Variants in SUGCT observed in about 807,000 individuals in gnomAD.
SUGCT encodes the protein succinyl-CoA:glutarate CoA-transferase.
Under a neutral mutation model 55.0 loss-of-function variants are expected in SUGCT, and 41 were observed. The ratio of observed to expected loss-of-function variants is 0.74; its 90% CI spans 0.58 to 0.97. SUGCT has a LOEUF of 0.97. SUGCT is among the 50% of genes least tolerant of loss of function. The pLI is 0.00. For missense variants in SUGCT, 568 were observed against 547.8 expected (o/e 1.04, Z -0.37); for synonymous variants, 187 against 200.4 (o/e 0.93, Z 0.56).
chr7:40,372,210 G>A (rs1020377608), intron 9 of SUGCT, among the ~76,000 whole-genome samples: 25 of 151,968 alleles, frequency 1.6e-4, no homozygotes, highest in African/African-American at 6.0e-4. Context: ...TTCACATGGA[G>A]ATGACCTCTG....
intron 12 of SUGCT, among the ~76,000 whole-genome samples, chr7:40,677,673 A>G (rs1784064134): frequency 6.6e-6 from 1 of 152,184 alleles, no homozygotes; most frequent in Non-Finnish European, 1.5e-5. Context: ...AAGAGAGGCT[A>G]ATAAGAACGT....
chr7:40,442,438 G>T (rs1788564862), intron 9 of SUGCT, among the ~76,000 whole-genome samples: 1 of 152,042 alleles, frequency 6.6e-6, no homozygotes, highest in Admixed American at 6.6e-5. Context: ...AAAGAAGAAT[G>T]CTACTTAATA....
At chr7:40,897,975 G>A in the SUGCT span, among the ~76,000 whole-genome samples, 14 of 152,268 alleles carry the variant, frequency 9.2e-5, no homozygotes, top group South Asian at 6.2e-4. Context: ...GGCCACCTGC[G>A]CCAACAGTGG....
chr7:40,631,450 T>G (rs11975859), intron 12 of SUGCT, among the ~76,000 whole-genome samples: 1,546 of 152,306 alleles, frequency 0.01, 27 homozygotes, highest in African/African-American at 0.035. Context: ...TTCAACAAAT[T>G]CAACATTTGA....
At chr7:40,240,105 A>G (rs1324643343) in intron 7 of SUGCT, among the ~76,000 whole-genome samples, 1 of 152,200 alleles carries the variant, frequency 6.6e-6, no homozygotes, top group Non-Finnish European at 1.5e-5. Context: ...ACATATATAA[A>G]TAACAGTGTG....
chr7:40,373,666 A>C (rs950641423), intron 9 of SUGCT, among the ~76,000 whole-genome samples: 1 of 152,074 alleles, frequency 6.6e-6, no homozygotes, highest in African/African-American at 2.4e-5. Flanking sequence ...TGGAAGTCAC[A>C]TGCAAGTTTA....
chr7:40,466,800 T>C (rs10269234), intron 11 of SUGCT, among the ~76,000 whole-genome samples: 22,565 of 152,116 alleles, frequency 0.15, 4,159 homozygotes, highest in African/African-American at 0.44. Flanking sequence ...GGTCATACAA[T>C]ATAAGAAGAT....
Position 40,552,489 on chromosome 7 carries a change from G to A in SUGCT, c.1089+56103G>A, listed in dbSNP as rs145081332. ...CACCCAGGGCCTGGTGATGGCCTGC[G>A]AGGACAGCTGGAATGGCTCAACTCC... On this transcript the variant is annotated intron_variant, in intron 12 of 13. Coordinates refer to ENST00000335693, the MANE Select transcript of SUGCT (RefSeq NM_001193313.2). Among the ~76,000 whole-genome samples, 390 of 152,198 alleles carry A rather than the reference G, an allele frequency of 2.6e-3. 1 individual carries two copies. Among genetic ancestry groups the A allele is most frequent in the African/African-American group, 8.6e-3 (356 of 41,534 alleles).
chr7:40,484,246 G>A (rs1791209791), intron 11 of SUGCT, among the ~76,000 whole-genome samples: 1 of 152,342 alleles, frequency 6.6e-6, no homozygotes, highest in East Asian at 1.9e-4. Context: ...AGACTTGAAT[G>A]TGAGTATCTT....
chr7:40,252,302 T>C (rs1364334978), intron 7 of SUGCT, among the ~76,000 whole-genome samples: 4 of 151,906 alleles, frequency 2.6e-5, no homozygotes, highest in Non-Finnish European at 5.9e-5. Context: ...AATTTTTTGT[T>C]AGCTAGGAGT....
chr7:40,699,059 G>A (rs944676302), intron 12 of SUGCT, among the ~76,000 whole-genome samples: 3 of 152,152 alleles, frequency 2.0e-5, no homozygotes, highest in Non-Finnish European at 4.4e-5. Flanking sequence ...GTCAGGGTTG[G>A]GAACAAGAGG....
intron 9 of SUGCT, among the ~76,000 whole-genome samples, chr7:40,367,074 A>G (rs376332239): frequency 6.6e-6 from 1 of 152,138 alleles, no homozygotes; most frequent in African/African-American, 2.4e-5. Flanking sequence ...ACCATGGAAT[A>G]CTATGCAGCC....
intron 6 of SUGCT, among the ~76,000 whole-genome samples, chr7:40,228,458 G>A (rs1167449168): frequency 3.3e-5 from 5 of 150,462 alleles, no homozygotes; most frequent in Non-Finnish European, 5.9e-5. Context: ...ATTTTTTTTT[G>A]TTCTTTATAA....
chr7:40,513,318 C>T (rs1793045685), intron 12 of SUGCT, among the ~76,000 whole-genome samples: 1 of 152,072 alleles, frequency 6.6e-6, no homozygotes, highest in Admixed American at 6.5e-5. Flanking sequence ...CCTGTAAAAG[C>T]TATACTGTGC....
chr7:40,677,738 G>T (rs1784067177), intron 12 of SUGCT, among the ~76,000 whole-genome samples: 1 of 152,182 alleles, frequency 6.6e-6, no homozygotes, highest in Non-Finnish European at 1.5e-5. Context: ...AAGAGAATGG[G>T]GTTGGAAATG....
At chr7:40,317,171 C>T (rs544495778) in intron 9 of SUGCT, among the ~76,000 whole-genome samples, 1 of 151,606 alleles carries the variant, frequency 6.6e-6, no homozygotes, top group South Asian at 2.1e-4. Flanking sequence ...CTGACTGTAG[C>T]CATTTTATAA....
chr7:40,193,281 T>G (rs34806609), intron 5 of SUGCT, among the ~76,000 whole-genome samples: 25,059 of 69,502 alleles, frequency 0.36, 3,164 homozygotes, highest in South Asian at 0.48. Flanking sequence ...AATTACTGTG[T>G]TTTTTTTTTT....
In SUGCT at chr7:40,558,670, G is replaced by C. The variant is rs538477307; in HGVS notation, c.1089+62284G>C. Reference sequence around the variant, plus strand: ...AGTAAAGAGTTTCTGTTAGGGATGAGTAGAAGTTCAGGACGTAGTGGTGAT... The same window carrying C: ...AGTAAAGAGTTTCTGTTAGGGATGACTAGAAGTTCAGGACGTAGTGGTGAT... On this transcript the variant is annotated intron_variant, in intron 12 of 13. Coordinates refer to ENST00000335693, the MANE Select transcript of SUGCT (RefSeq NM_001193313.2). Among the ~76,000 whole-genome samples, 65 of 152,304 alleles carry C rather than the reference G, an allele frequency of 4.3e-4. No homozygotes were observed. The South Asian group carries it at 6.6e-3, about 16-fold the overall frequency.
At chr7:40,138,161 C>T (rs183109311) in intron 1 of SUGCT, among the ~76,000 whole-genome samples, 68 of 152,228 alleles carry the variant, frequency 4.5e-4, no homozygotes, top group African/African-American at 1.6e-3. Context: ...CCCCAACCCT[C>T]CAAGTCTCCA....
Sources: gnomAD v4.1 joint callset for allele counts (sites outside exome capture counted in the v4.1 genomes callset) on GRCh38, gnomAD v4.1.1 for gene constraint, MANE v1.5 for transcripts, NCBI Gene and HGNC (gene_info 2026-07-23, HGNC 2026-07-21) for gene names.